The following TIMD4 variants were observed in gnomAD, a reference collection of about 807,000 sequenced individuals.
TIMD4 encodes the protein T cell immunoglobulin and mucin domain containing 4.
A neutral mutation model predicts 41.2 loss-of-function variants in TIMD4; 31 were observed. That is an observed-to-expected ratio of 0.75 (90% CI 0.57 to 1.01). TIMD4 has a LOEUF of 1.01. TIMD4 is among the 50% of genes least tolerant of loss of function. The pLI, the probability that TIMD4 is intolerant of heterozygous loss-of-function variation, is 0.00. For missense variants in TIMD4, 479 were observed against 472.5 expected, an observed-to-expected ratio of 1.01 and a Z score of -0.13; for synonymous variants, 204 against 177.1, an observed-to-expected ratio of 1.15 and a Z score of -1.21.
intron 1 of TIMD4, among the ~76,000 whole-genome samples, chr5:156,958,938 A>T (rs1760031551): frequency 6.6e-6 from 1 of 152,186 alleles, no homozygotes; most frequent in Admixed American, 6.5e-5. Flanking sequence ...AAAACAAGAC[A>T]TAAAATATAA....
At chr5:156,951,319 C>A (rs1403145931) in intron 3 of TIMD4, among the ~76,000 whole-genome samples, 193 bp downstream of exon 3, 1 of 152,096 alleles carries the variant, frequency 6.6e-6, no homozygotes, top group Admixed American at 6.6e-5. Context: ...TTGTAGAACC[C>A]AGAGCAGTGC....
chr5:156,926,308 A>C lies in TIMD4; in HGVS notation c.849T>G (p.Ser283=). 1 of 1,613,580 alleles carries C rather than the reference A, an allele frequency of 6.2e-7. No homozygotes were observed. The highest frequency in any genetic ancestry group is 8.5e-7 in the Non-Finnish European group (1 of 1,179,634). ...DSVSSPQPGA[S]DTAVPEQNKT... Reference sequence around the variant, plus strand: ...TGTTCTGCTCAGGAACTGCTGTATCAGATGCTGGGAAGGAAAAGAGAAGAA... The same window carrying C: ...TGTTCTGCTCAGGAACTGCTGTATCCGATGCTGGGAAGGAAAAGAGAAGAA... Residue 283 remains serine (S), a synonymous_variant, in exon 6 of 9, where the codon TCT becomes TCG. Coordinates refer to ENST00000274532, the MANE Select transcript of TIMD4 (RefSeq NM_138379.3).
intron 5 of TIMD4, among the ~76,000 whole-genome samples, chr5:156,947,257 C>T (rs1396906829): frequency 6.6e-6 from 1 of 152,078 alleles, no homozygotes; most frequent in Non-Finnish European, 1.5e-5. Flanking sequence ...ATTTTCTTCT[C>T]ATAAGATTGA....
intron 5 of TIMD4, among the ~76,000 whole-genome samples, chr5:156,940,661 G>C (rs1474624060): frequency 6.6e-6 from 1 of 151,910 alleles, no homozygotes; most frequent in Non-Finnish European, 1.5e-5. Context: ...TCTGGGAGGT[G>C]AGGAGCGCCT....
rs1299060923 is a variant in TIMD4, at chr5:156,941,729, G to A, written c.844+6687C>T. ...GCACAAGCCTGTCCATCCCACTAAA[G>A]TGTGATCCCTTTAAAGAAGAAGGCC... On this transcript the variant is annotated intron_variant, in intron 5 of 8. Transcript: ENST00000274532. Among the ~76,000 whole-genome samples the A allele has an allele frequency of 5.9e-5, 9 of 152,250 alleles. No homozygotes were observed. The East Asian group carries it at 1.2e-3, about 20-fold the overall frequency.
chr5:156,922,224 G>A lies in TIMD4; in HGVS notation c.895-8C>T. 1 of 1,604,114 alleles carries A rather than the reference G, an allele frequency of 6.2e-7. No individual in the cohort carries two copies. Among genetic ancestry groups the A allele is most frequent in the South Asian group, 1.1e-5 (1 of 90,734 alleles). On this transcript the variant is annotated splice_polypyrimidine_tract_variant and splice_region_variant and intron_variant, in intron 6 of 8. Coordinates refer to ENST00000274532, the MANE Select transcript of TIMD4 (RefSeq NM_138379.3). ...CATGGGTATTCCATCCATCTGATGG[G>A]ACACAGGCAAGGAGATGGACCCAGT...
chr5:156,934,110 C>T (rs1232735479), intron 5 of TIMD4, among the ~76,000 whole-genome samples: 1 of 152,154 alleles, frequency 6.6e-6, no homozygotes, highest in African/African-American at 2.4e-5. Context: ...TTTTAAGAAT[C>T]CACTTTTAAT....
At chr5:156,951,329 C>T (rs751522460) in intron 3 of TIMD4, among the ~76,000 whole-genome samples, 183 bp downstream of exon 3, 4 of 152,112 alleles carry the variant, frequency 2.6e-5, no homozygotes, top group Admixed American at 6.5e-5. Flanking sequence ...CAGAGCAGTG[C>T]GAAAATAAAT....
chr5:156,919,489 T>G lies in TIMD4; in HGVS notation c.1105A>C (p.Arg369=), dbSNP rs762595085. 6 of 1,613,994 alleles carry G rather than the reference T, an allele frequency of 3.7e-6. No individual in the cohort carries two copies. The East Asian group carries it at 8.9e-5, about 24-fold the overall frequency. ...KNVLNDVQHG[R]EDEDGLFTL ...GTAAAAAGGCCGTCTTCGTCTTCCCTTCCATGCTGCACGTCATTGAGGACA... is the reference window on the plus strand; with the variant it reads ...GTAAAAAGGCCGTCTTCGTCTTCCCGTCCATGCTGCACGTCATTGAGGACA... The change falls in exon 9 of 9, where the codon AGG becomes CGG. Residue 369 remains arginine, a synonymous_variant. Coordinates refer to ENST00000274532, the MANE Select transcript of TIMD4 (RefSeq NM_138379.3).
chr5:156,919,529 A>T lies in TIMD4; in HGVS notation c.1065T>A (p.Ile355=). The T allele has an allele frequency of 6.2e-7, 1 of 1,613,936 alleles. No homozygotes were observed. Among genetic ancestry groups the T allele is most frequent in the South Asian group, 1.1e-5 (1 of 91,070 alleles). The change falls in exon 9 of 9, where the codon ATT becomes ATA. Residue 355 remains isoleucine (I), a synonymous_variant. Transcript: ENST00000274532. ...CATTGAGGACATTTTTACTATCTCC[A>T]ATGTAGTCTAGCCTGTAAACAGAAA... The part of the protein sequence containing the change: ...CSQKHTRLDY[I]GDSKNVLNDV...
chr5:156,941,500 T>C (rs896222360), intron 5 of TIMD4, among the ~76,000 whole-genome samples: 1 of 152,244 alleles, frequency 6.6e-6, no homozygotes, highest in Non-Finnish European at 1.5e-5. Flanking sequence ...TTTCTCCGTC[T>C]TTGCTCATGC....
chr5:156,936,567 C>G (rs1382933229), intron 5 of TIMD4, among the ~76,000 whole-genome samples: 1 of 152,018 alleles, frequency 6.6e-6, no homozygotes, highest in Admixed American at 6.6e-5. Context: ...CTTCAAAGCC[C>G]AAACTCCTAT....
intron 5 of TIMD4, among the ~76,000 whole-genome samples, chr5:156,941,014 C>T (rs1462360168): frequency 6.6e-6 from 1 of 152,174 alleles, no homozygotes; most frequent in Non-Finnish European, 1.5e-5. Flanking sequence ...TATAACCTTA[C>T]CCCCAAGCCC....
At chr5:156,926,197 C>G in intron 6 of TIMD4, 66 bp downstream of exon 6, 1 of 1,554,412 alleles carries the variant, frequency 6.4e-7, no homozygotes, top group African/African-American at 1.4e-5. Context: ...AGCCACCGTG[C>G]CTGGCCACTA....
Position 156,951,604 on chromosome 5 carries a change from G to T in TIMD4, c.587C>A (p.Thr196Lys), listed in dbSNP as rs778307540. ...TTIAVFTTAN[T>K]CLSLTPSTLP... ...GGTGCTTGGGGTTAGTGAAAGGCAC[G>T]TGTTTGCTGTTGTGAAGACGGCAAT... Residue 196 changes from threonine (T) to lysine (K), a missense_variant, in exon 3 of 9, where the codon ACG becomes AAG. Transcript: ENST00000274532. 9 of 1,614,046 alleles carry T rather than the reference G, an allele frequency of 5.6e-6. No homozygotes were observed. Among genetic ancestry groups the T allele is most frequent in the Non-Finnish European group, 7.6e-6 (9 of 1,180,024 alleles).
intron 5 of TIMD4, among the ~76,000 whole-genome samples, chr5:156,940,190 T>G (rs923885145): frequency 5.3e-5 from 8 of 152,216 alleles, no homozygotes; most frequent in Admixed American, 2.0e-4. Context: ...GCTCCTGACC[T>G]CGAGTGATCT....
intron 5 of TIMD4, 72 bp downstream of exon 5, chr5:156,948,344 A>G: frequency 1.1e-6 from 1 of 890,898 alleles, no homozygotes; most frequent in South Asian, 4.9e-5. Context: ...AAAAAGCAAG[A>G]TTCTGTCTAA....
intron 1 of TIMD4, among the ~76,000 whole-genome samples, chr5:156,956,410 C>T (rs958283001): frequency 5.9e-5 from 9 of 152,284 alleles, no homozygotes; most frequent in East Asian, 1.9e-4. Context: ...TAAAATGAAG[C>T]ATGAGTGTGT....
intron 1 of TIMD4, among the ~76,000 whole-genome samples, chr5:156,957,521 A>AAAAAAAAAG (rs1237686462): frequency 2.2e-4 from 32 of 147,720 alleles, no homozygotes; most frequent in Admixed American, 1.2e-3. Flanking sequence ...TCAAAAAAAA[A>AAAAAAAAAG]AAAGAAAAAA....
Sources: allele counts gnomAD v4.1 joint callset (sites outside exome capture counted in the v4.1 genomes callset), GRCh38; gene constraint gnomAD v4.1.1; transcripts MANE v1.5; gene names NCBI Gene and HGNC (gene_info 2026-07-23, HGNC 2026-07-21).